VPS13B: variants seen among roughly 807,000 people sequenced by gnomAD.
The protein encoded by VPS13B is vacuolar protein sorting 13 homolog B, also known as intermembrane lipid transfer protein VPS13B.
VPS13B carries 285 observed loss-of-function variants against 426.4 expected under a neutral mutation model. The observed-to-expected ratio is 0.67, with a 90% CI of 0.61 to 0.74. VPS13B has a LOEUF of 0.74. Ranked by LOEUF, VPS13B falls within the 30% of genes least tolerant of loss-of-function variation. The pLI, the probability that VPS13B is intolerant of heterozygous loss-of-function variation, is 0.00. For synonymous variants in VPS13B, 1,676 were observed against 1,676.4 expected, an observed-to-expected ratio of 1.00 and a Z score of 0.01; for missense variants, 4,537 against 4,782.6, an observed-to-expected ratio of 0.95 and a Z score of 1.51.
rs141744983 is a variant in VPS13B, at chr8:99,156,604, C to G, written c.2069C>G (p.Ser690Cys). 6.2e-7 allele frequency: 1 copy of G among 1,613,940 alleles called. No individual in the cohort carries two copies. Among genetic ancestry groups the G allele is most frequent in the African/African-American group, 1.3e-5 (1 of 74,944 alleles). The change falls in exon 15 of 62, where the codon TCC becomes TGC. Residue 690 changes from serine (S) to cysteine (C), a missense_variant. Ser to Cys is a moderately radical substitution (Grantham distance 112). Around this residue, in one of 2 missense-constraint regions of VPS13B, gnomAD observed 4,311 missense variants for 4,474.3 expected, o/e 0.96. Transcript: ENST00000357162. ...TTCCAGTCTCTTCGGCCTTTGCCAT[C>G]CATTCGAATATTGGTGGATAAAATT... ...TNFQSLRPLP[S>C]IRILVDKINL...
chr8:99,746,386 G>T (rs1163498035), intron 39 of VPS13B, among the ~76,000 whole-genome samples: 5 of 152,012 alleles, frequency 3.3e-5, no homozygotes, highest in African/African-American at 1.2e-4. Flanking sequence ...TTTTACATGT[G>T]GTTTTAGCAT....
At chr8:99,375,894 T>C (rs1642144251) in intron 19 of VPS13B, among the ~76,000 whole-genome samples, 1 of 152,218 alleles carries the variant, frequency 6.6e-6, no homozygotes, top group African/African-American at 2.4e-5. Context: ...CAGGATACTT[T>C]TTCCTAATAT....
At chr8:99,166,665 C>T (rs938848156) in intron 15 of VPS13B, among the ~76,000 whole-genome samples, 1 of 152,288 alleles carries the variant, frequency 6.6e-6, no homozygotes, top group Middle Eastern at 3.4e-3. Context: ...ATTTTCAGTG[C>T]AGACTCTATT....
At chr8:99,733,773 A>C (rs1351612548) in intron 39 of VPS13B, among the ~76,000 whole-genome samples, 1 of 152,198 alleles carries the variant, frequency 6.6e-6, no homozygotes, top group Non-Finnish European at 1.5e-5. Context: ...ATTACCTTAG[A>C]TGTTTTCTAG....
intron 2 of VPS13B, among the ~76,000 whole-genome samples, chr8:99,015,362 G>A (rs565177500): frequency 1.6e-3 from 242 of 151,228 alleles, no homozygotes; most frequent in African/African-American, 5.2e-3. Context: ...GATTACAGGC[G>A]CCCGCCACCA....
Position 99,135,105 on chromosome 8 carries a change from G to A in VPS13B, c.1393G>A (p.Asp465Asn). The A allele has an allele frequency of 6.2e-7, 1 of 1,613,510 alleles. No individual in the cohort carries two copies. The highest frequency in any genetic ancestry group is 1.1e-5 in the South Asian group (1 of 91,058). The change falls in exon 10 of 62, where the codon GAT (aspartate) becomes AAT (asparagine). Residue 465 changes from aspartate (D) to asparagine (N), a missense_variant. This residue lies in a region of VPS13B where 4,311 missense variants were observed against 4,474.3 expected (regional missense o/e 0.96). Coordinates refer to ENST00000357162, the MANE Select transcript of VPS13B (RefSeq NM_152564.5). ...MCLKGIMGVK[D>N]FEENMNRSET... ...CCTTAAAGGAATTATGGGTGTTAAA[G>A]ATTTTGAAGAGAATATGAATAGAAG...
intron 25 of VPS13B, among the ~76,000 whole-genome samples, chr8:99,487,157 C>G (rs546104857): frequency 6.7e-6 from 1 of 149,810 alleles, no homozygotes; most frequent in East Asian, 2.0e-4. Context: ...ATATTGTTCA[C>G]ATAGATTAAC....
In VPS13B at chr8:99,147,992, TGTCATTATGGG is replaced by T. The variant is rs769834845; in HGVS notation, c.1996_2006del (p.Val666ArgfsTer6). ...TCAACTTGCTGGACCATTTACTACC[TGTCATTATGGG>T]AGAAAAGGTATATTTTGTGATTTGC... On this transcript the variant is annotated frameshift_variant, in exon 14 of 62. Transcript: ENST00000357162. LOFTEE classifies it high-confidence loss of function. 1 of 1,613,082 alleles carries T rather than the reference TGTCATTATGGG, an allele frequency of 6.2e-7. No homozygotes were observed. The highest frequency in any genetic ancestry group is 8.5e-7 in the Non-Finnish European group (1 of 1,179,416).
chr8:99,828,259 T>C (rs369681307), intron 51 of VPS13B, among the ~76,000 whole-genome samples: 3 of 152,182 alleles, frequency 2.0e-5, no homozygotes, highest in African/African-American at 7.2e-5. Context: ...TGCTCTTGTA[T>C]TGGGTGCATA....
intron 21 of VPS13B, among the ~76,000 whole-genome samples, chr8:99,402,321 C>T (rs1002866268): frequency 9.9e-5 from 15 of 152,108 alleles, no homozygotes; most frequent in African/African-American, 3.1e-4. Context: ...CTGTGTATGC[C>T]GCACTTGCAC....
At chr8:99,566,468 T>G in intron 31 of VPS13B, among the ~76,000 whole-genome samples, 2 of 149,850 alleles carry the variant, frequency 1.3e-5, no homozygotes, top group East Asian at 2.0e-4. Flanking sequence ...TGAGATGGAG[T>G]CTCACTCTGT....
rs984576868 is a variant in VPS13B at position 99,617,967 on chromosome 8, T to C, written c.5221-23844T>C. Among the ~76,000 whole-genome samples, 3 of 152,060 alleles carry C rather than the reference T, an allele frequency of 2.0e-5. No individual in the cohort carries two copies. In the South Asian group the frequency reaches 6.2e-4, roughly 32 times the overall value. On this transcript the variant is annotated intron_variant, in intron 33 of 61. Transcript: ENST00000357162. ...TCATGATCTCTCAGCTGTTAATTTT[T>C]TTTTCTGATACTCTGTTCCCAGAAA...
At chr8:99,632,977 T>A (rs1377816129) in intron 33 of VPS13B, among the ~76,000 whole-genome samples, 2 of 151,962 alleles carry the variant, frequency 1.3e-5, no homozygotes, top group African/African-American at 2.4e-5. Context: ...TTAAATAGAA[T>A]AAGTAATAAT....
intron 34 of VPS13B, among the ~76,000 whole-genome samples, chr8:99,654,361 T>C (rs1229026532): frequency 6.6e-6 from 1 of 152,114 alleles, no homozygotes; most frequent in African/African-American, 2.4e-5. Flanking sequence ...ACTGAATTAT[T>C]ATGATGTTTA....
intron 16 of VPS13B, among the ~76,000 whole-genome samples, chr8:99,172,108 T>C (rs1016250941): frequency 2.0e-5 from 3 of 152,154 alleles, no homozygotes; most frequent in Admixed American, 1.3e-4. Flanking sequence ...TATGAACACT[T>C]AAAGATAGTT....
rs533043947 is a variant in VPS13B at position 99,463,097 on chromosome 8, C to T, written c.3446-4317C>T. Among the ~76,000 whole-genome samples, 13 of 152,166 alleles carry T rather than the reference C, an allele frequency of 8.5e-5. No homozygotes were observed. The East Asian group carries it at 2.5e-3, about 29-fold the overall frequency. Reference sequence around the variant, plus strand: ...TAGGAGTCTTCAATACCAATTTACCCTAAGTCACACACTGTTATAATATTC... The same window carrying T: ...TAGGAGTCTTCAATACCAATTTACCTTAAGTCACACACTGTTATAATATTC... On this transcript the variant is annotated intron_variant, in intron 23 of 61. Coordinates refer to ENST00000357162, the MANE Select transcript of VPS13B (RefSeq NM_152564.5).
At chr8:99,812,998 A>T (rs1306373392) in intron 44 of VPS13B, among the ~76,000 whole-genome samples, 1 of 152,210 alleles carries the variant, frequency 6.6e-6, no homozygotes, top group Non-Finnish European at 1.5e-5. Flanking sequence ...TAAAAAAATT[A>T]AGTAGCTGTC....
intron 19 of VPS13B, among the ~76,000 whole-genome samples, chr8:99,302,554 G>C (rs776403991): frequency 2.6e-5 from 4 of 151,950 alleles, no homozygotes; most frequent in African/African-American, 4.8e-5. Context: ...CTGTCACCCA[G>C]GCTGGAGTGC....
intron 21 of VPS13B, among the ~76,000 whole-genome samples, chr8:99,420,965 CTTATAT>C (rs1346791985): frequency 6.6e-6 from 1 of 151,966 alleles, no homozygotes; most frequent in South Asian, 2.1e-4. Context: ...ATCTTTATTC[CTTATAT>C]TTATAGTATT....
Sources: gnomAD v4.1 joint callset for allele counts (sites outside exome capture counted in the v4.1 genomes callset) on GRCh38, gnomAD v4.1.1 for gene constraint, gnomAD v4.1.1 regional missense constraint, MANE v1.5 for transcripts, NCBI Gene and HGNC (gene_info 2026-07-23, HGNC 2026-07-21) for gene names.